CSMD2: variants seen among roughly 807,000 people sequenced by gnomAD.
CSMD2 encodes CUB and sushi domain-containing protein 2.
CSMD2 carries 130 observed loss-of-function variants against 398.5 expected under a neutral mutation model. That is an observed-to-expected ratio of 0.33 (90% CI 0.28 to 0.38). The LOEUF (loss-of-function observed/expected upper bound fraction) is 0.38. Ranked by LOEUF, CSMD2 falls within the 10% of genes least tolerant of loss-of-function variation. The probability of loss-of-function intolerance (pLI) is 1.00; values close to 1 mark genes in which losing one functional copy is unlikely to be tolerated. For missense variants in CSMD2, 3,829 were observed against 4,764.9 expected (o/e 0.80, Z 5.78); for synonymous variants, 1,828 against 1,908.5 (o/e 0.96, Z 1.10).
At chr1:33,530,459 A>C (rs1466060119) in intron 64 of CSMD2, among the ~76,000 whole-genome samples, 1 of 152,210 alleles carries the variant, frequency 6.6e-6, no homozygotes, top group Admixed American at 6.5e-5. Context: ...GTTGGTAAGG[A>C]GGTGGAGAAA....
At chr1:33,581,529 C>CAAAAAAA (rs59068586) in intron 47 of CSMD2, among the ~76,000 whole-genome samples, 112 of 36,810 alleles carry the variant, frequency 3.0e-3, no homozygotes, top group Non-Finnish European at 4.1e-3. Flanking sequence ...GACTCAGTCT[C>CAAAAAAA]AAAAAAAAAA....
Position 33,537,375 on chromosome 1 carries a change from C to T in CSMD2, c.9805+61G>A. 1 of 1,528,312 alleles carries T rather than the reference C, an allele frequency of 6.5e-7. No individual in the cohort carries two copies. Among genetic ancestry groups the T allele is most frequent in the Non-Finnish European group, 8.9e-7 (1 of 1,126,396 alleles). The allele number at this position is 1,528,312 out of a possible 1,614,324, so 94.7% of individuals were successfully genotyped here. On this transcript the variant is annotated intron_variant, in intron 61 of 70. Transcript: ENST00000373381. This position sits in a 1 kb window ranked among gnomAD's most constrained non-coding sequence, Gnocchi z 4.6. ...AGGGAAGGAAAGTAATCATCTCAGG[C>T]CCAAAAGAAGGTCTCCCGCAACCCC...
At chr1:34,027,979 T>C (rs574218329) in intron 3 of CSMD2, among the ~76,000 whole-genome samples, 114 of 152,194 alleles carry the variant, frequency 7.5e-4, no homozygotes, top group African/African-American at 2.6e-3. Flanking sequence ...TTGCTGAAAA[T>C]GGGATTGTCA....
At chr1:33,775,581 C>A (rs920147292) in intron 12 of CSMD2, among the ~76,000 whole-genome samples, 1 of 152,068 alleles carries the variant, frequency 6.6e-6, no homozygotes, top group African/African-American at 2.4e-5. Context: ...GGCCTGAGCA[C>A]TTGGGTGTAC....
chr1:33,829,895 G>C (rs12061019), intron 6 of CSMD2, among the ~76,000 whole-genome samples: 119,474 of 152,086 alleles, frequency 0.79, 47,778 homozygotes, highest in East Asian at 0.94. Flanking sequence ...CCCACGGAGT[G>C]TCGCTGATTG....
At chr1:33,836,590 C>T (rs1660295260) in intron 6 of CSMD2, among the ~76,000 whole-genome samples, 1 of 152,198 alleles carries the variant, frequency 6.6e-6, no homozygotes, top group Non-Finnish European at 1.5e-5. Context: ...GCCTCGCTGC[C>T]ACCTTGCAGT....
intron 16 of CSMD2, among the ~76,000 whole-genome samples, chr1:33,726,275 T>C (rs1475301169): frequency 1.3e-5 from 2 of 152,042 alleles, no homozygotes; most frequent in African/African-American, 2.4e-5. Flanking sequence ...TCCCCCTCCT[T>C]GGGGGCTGGG....
At chr1:34,076,909 C>CAAAAAAAAAAAA (rs1160217243) in intron 2 of CSMD2, among the ~76,000 whole-genome samples, 1 of 10,208 alleles carries the variant, frequency 9.8e-5, no homozygotes, top group African/African-American at 3.8e-4. Context: ...TACAGCAAAG[C>CAAAAAAAAAAAA]AAAAAAAAAA....
chr1:33,615,459 G>A (rs72890863), intron 39 of CSMD2, among the ~76,000 whole-genome samples: 66 of 152,268 alleles, frequency 4.3e-4, no homozygotes, highest in South Asian at 1.7e-3. Context: ...AAACAGACCC[G>A]AAAACAGTGC....
At chr1:34,101,771 A>G (rs748420766) in intron 1 of CSMD2, among the ~76,000 whole-genome samples, 6 of 151,944 alleles carry the variant, frequency 3.9e-5, no homozygotes, top group Non-Finnish European at 7.4e-5. Context: ...TGTGTAATAT[A>G]TTAATCCTTT....
intron 5 of CSMD2, among the ~76,000 whole-genome samples, chr1:33,879,433 G>C (rs1641078136): frequency 2.6e-5 from 4 of 152,122 alleles, no homozygotes; most frequent in African/African-American, 9.7e-5. Flanking sequence ...TGGATGGATG[G>C]ACTTTGGGCC....
intron 13 of CSMD2, among the ~76,000 whole-genome samples, chr1:33,746,359 A>C (rs1647383331): frequency 6.6e-6 from 1 of 152,180 alleles, no homozygotes. Context: ...ATGAAGACAA[A>C]GAAAGGTGCT....
intron 26 of CSMD2, among the ~76,000 whole-genome samples, chr1:33,659,842 T>C (rs1644072644): frequency 6.6e-6 from 1 of 152,258 alleles, no homozygotes; most frequent in South Asian, 2.1e-4. Flanking sequence ...CCCACGGCCA[T>C]ATCTGGGCCT....
chr1:33,771,245 G>A (rs939873993), intron 13 of CSMD2, among the ~76,000 whole-genome samples: 2 of 152,096 alleles, frequency 1.3e-5, no homozygotes, highest in Admixed American at 6.5e-5. Context: ...GCCCTGCCCC[G>A]TGCACCTGTC....
chr1:33,814,342 T>A (rs1019979362), intron 9 of CSMD2: 2 of 152,242 alleles, frequency 1.3e-5, no homozygotes, highest in African/African-American at 4.8e-5. Context: ...TATAAACTCC[T>A]GATTACTCAT....
At chr1:33,960,653 G>T (rs909269502) in intron 3 of CSMD2, among the ~76,000 whole-genome samples, 2 of 152,150 alleles carry the variant, frequency 1.3e-5, no homozygotes, top group Non-Finnish European at 2.9e-5. Context: ...CAGGGGCACC[G>T]CACGCATTTC....
chr1:33,959,602 C>A (rs147125085), intron 3 of CSMD2, among the ~76,000 whole-genome samples: 1 of 152,150 alleles, frequency 6.6e-6, no homozygotes, highest in East Asian at 1.9e-4. Context: ...AGTTGCTCAC[C>A]CTGCCCCCTC....
intron 2 of CSMD2, among the ~76,000 whole-genome samples, chr1:34,066,754 A>G (rs1301326395): frequency 6.6e-6 from 1 of 152,050 alleles, no homozygotes; most frequent in Non-Finnish European, 1.5e-5. Flanking sequence ...TAGGCATCTG[A>G]GTGTCCTGGT....
At chr1:33,531,129 T>C (rs1479111955) in intron 64 of CSMD2, among the ~76,000 whole-genome samples, 1 of 152,202 alleles carries the variant, frequency 6.6e-6, no homozygotes, top group Non-Finnish European at 1.5e-5. Flanking sequence ...ATGGCAAGTA[T>C]ATGAAGTTAA....
Sources: gnomAD v4.1 joint callset for allele counts (sites outside exome capture counted in the v4.1 genomes callset) on GRCh38, gnomAD v4.1.1 for gene constraint, Gnocchi (gnomAD v3.1) non-coding constraint, MANE v1.5 for transcripts, NCBI Gene and HGNC (gene_info 2026-07-23, HGNC 2026-07-21) for gene names.